The following PTPRO variants were observed in gnomAD, a reference collection of about 807,000 sequenced individuals.
The protein encoded by PTPRO is protein tyrosine phosphatase receptor type O.
PTPRO carries 62 observed loss-of-function variants against 145.2 expected under a neutral mutation model. That is an observed-to-expected ratio of 0.43 (90% CI 0.35 to 0.53). The LOEUF (loss-of-function observed/expected upper bound fraction) is 0.53, where lower values mean the gene tolerates loss of function less well. Ranked by LOEUF, PTPRO falls within the 20% of genes least tolerant of loss-of-function variation. The probability of loss-of-function intolerance (pLI) is 0.01; values close to 1 mark genes in which losing one functional copy is unlikely to be tolerated. For missense variants in PTPRO, 1,345 were observed against 1,482.7 expected (o/e 0.91, Z 1.53); for synonymous variants, 565 against 514.7 (o/e 1.10, Z -1.32).
chr12:15,445,752 T>A (rs565399489), intron 1 of PTPRO, among the ~76,000 whole-genome samples: 25 of 152,314 alleles, frequency 1.6e-4, no homozygotes, highest in African/African-American at 6.0e-4. Flanking sequence ...TCAACTTAAA[T>A]TGACATGGGC....
At chr12:15,444,068 A>G (rs1273921424) in intron 1 of PTPRO, among the ~76,000 whole-genome samples, 1 of 152,118 alleles carries the variant, frequency 6.6e-6, no homozygotes, top group East Asian at 1.9e-4. Flanking sequence ...TGATAACAAC[A>G]TCAAGGAATC....
chr12:15,486,397 AC>A (rs1261360406), intron 2 of PTPRO, among the ~76,000 whole-genome samples: 1 of 151,922 alleles, frequency 6.6e-6, no homozygotes, highest in South Asian at 2.1e-4. Flanking sequence ...TACCTAATCC[AC>A]CCTTTTGCTT....
intron 1 of PTPRO, among the ~76,000 whole-genome samples, chr12:15,435,786 A>G (rs182670046): frequency 6.6e-6 from 1 of 152,162 alleles, no homozygotes. Context: ...CAGAACACTT[A>G]TTTCCCCAAA....
intron 1 of PTPRO, among the ~76,000 whole-genome samples, chr12:15,473,797 A>G (rs1052914008): frequency 2.7e-5 from 4 of 150,268 alleles, no homozygotes; most frequent in Non-Finnish European, 5.9e-5. Context: ...AAAAGCATCA[A>G]GTGACTCAAA....
At chr12:15,340,445 T>C (rs1481247373) in intron 1 of PTPRO, among the ~76,000 whole-genome samples, 3 of 152,204 alleles carry the variant, frequency 2.0e-5, no homozygotes, top group African/African-American at 4.8e-5. Flanking sequence ...AGACAGCTGA[T>C]TCCTGCCCAT....
intron 7 of PTPRO, among the ~76,000 whole-genome samples, chr12:15,510,103 G>A (rs1335508233): frequency 2.0e-5 from 3 of 152,190 alleles, no homozygotes; most frequent in Admixed American, 2.0e-4. Flanking sequence ...CAGAAAAGAT[G>A]TTTGCTGTAT....
At chr12:15,380,221 A>G (rs530332869) in intron 1 of PTPRO, among the ~76,000 whole-genome samples, 72 of 152,286 alleles carry the variant, frequency 4.7e-4, no homozygotes, top group African/African-American at 1.6e-3. Context: ...CACACTTTAG[A>G]TCCCTAATGA....
intron 1 of PTPRO, among the ~76,000 whole-genome samples, chr12:15,430,406 A>G (rs1940401465): frequency 1.3e-5 from 2 of 152,064 alleles, no homozygotes; most frequent in Admixed American, 1.3e-4. Context: ...CCTTGACTTG[A>G]CTTGACTTCC....
chr12:15,350,224 GC>G (rs746627453), intron 1 of PTPRO, among the ~76,000 whole-genome samples: 3 of 152,144 alleles, frequency 2.0e-5, no homozygotes, highest in Non-Finnish European at 4.4e-5. Context: ...AGATGGCTCA[GC>G]CTAACACCAA....
intron 1 of PTPRO, among the ~76,000 whole-genome samples, chr12:15,478,468 C>T (rs985499862): frequency 1.3e-5 from 2 of 152,068 alleles, no homozygotes; most frequent in South Asian, 2.1e-4. Flanking sequence ...TAGTGTTAAT[C>T]CCAATTTATG....
intron 1 of PTPRO, among the ~76,000 whole-genome samples, chr12:15,357,113 T>C (rs1002360117): frequency 6.6e-6 from 1 of 152,358 alleles, no homozygotes; most frequent in East Asian, 1.9e-4. Flanking sequence ...TAATTCGGTA[T>C]AAGCAGACAG....
chr12:15,352,413 G>A (rs1051974622), intron 1 of PTPRO, among the ~76,000 whole-genome samples: 1 of 152,120 alleles, frequency 6.6e-6, no homozygotes, highest in Non-Finnish European at 1.5e-5. Flanking sequence ...TACTTTGGGA[G>A]GCCAAGGTGG....
intron 1 of PTPRO, among the ~76,000 whole-genome samples, chr12:15,430,479 AT>A (rs1481826460): frequency 6.6e-6 from 1 of 152,128 alleles, no homozygotes; most frequent in Non-Finnish European, 1.5e-5. Context: ...GGGTTCTGAA[AT>A]GTTACTGCAA....
chr12:15,587,196 C>T, intron 24 of PTPRO, 145 bp downstream of exon 24: 6 of 869,158 alleles, frequency 6.9e-6, no homozygotes, highest in Non-Finnish European at 1.1e-5. Flanking sequence ...ATTGATGTCT[C>T]ACTATATACA....
At position 15,508,427 on chromosome 12, in the gene PTPRO, C is replaced by T. The variant is rs559270894; in HGVS notation, c.1268-144C>T. 21 of 835,072 alleles carry T rather than the reference C, an allele frequency of 2.5e-5. No individual in the cohort carries two copies. In the Admixed American group the frequency reaches 4.2e-4, roughly 17 times the overall value. 51.7% of individuals were successfully genotyped at this position (835,072 alleles called of 1,614,324 possible). A position where few individuals can be genotyped will look rare whatever the true frequency, so the allele number is the denominator to read the frequency against. On this transcript the variant is annotated intron_variant, in intron 6 of 26. Coordinates refer to ENST00000281171, the MANE Select transcript of PTPRO (RefSeq NM_030667.3). Reference sequence around the variant, plus strand: ...AGAGGGTTGCAGCTGGGCAGAGGACCTGAAGAGTTGCCAGTCCGACCGCCA... The same window carrying T: ...AGAGGGTTGCAGCTGGGCAGAGGACTTGAAGAGTTGCCAGTCCGACCGCCA...
intron 3 of PTPRO, among the ~76,000 whole-genome samples, chr12:15,497,757 T>C (rs1942138021): frequency 6.6e-6 from 1 of 152,236 alleles, no homozygotes; most frequent in South Asian, 2.1e-4. Context: ...TGGGCATTTC[T>C]GGGACTGGGA....
chr12:15,462,967 G>C (rs546323134), intron 1 of PTPRO, among the ~76,000 whole-genome samples: 1 of 151,846 alleles, frequency 6.6e-6, no homozygotes, highest in Non-Finnish European at 1.5e-5. Context: ...ATGAAACAAA[G>C]AATCATATTG....
At chr12:15,507,532 A>G (rs745639938) in intron 6 of PTPRO, among the ~76,000 whole-genome samples, 3 of 152,242 alleles carry the variant, frequency 2.0e-5, no homozygotes, top group Non-Finnish European at 2.9e-5. Flanking sequence ...AGCAGTTTAT[A>G]TGTGAGCATC....
At chr12:15,392,666 T>G (rs969319413) in intron 1 of PTPRO, among the ~76,000 whole-genome samples, 1 of 139,036 alleles carries the variant, frequency 7.2e-6, no homozygotes, top group East Asian at 2.1e-4. Flanking sequence ...GGTTTCCATG[T>G]GCTAAGATGG....
Sources: gnomAD v4.1 joint callset for allele counts (sites outside exome capture counted in the v4.1 genomes callset) on GRCh38, gnomAD v4.1.1 for gene constraint, MANE v1.5 for transcripts, NCBI Gene and HGNC (gene_info 2026-07-23, HGNC 2026-07-21) for gene names.